Variants in OTUD7A observed in about 807,000 individuals in gnomAD.
OTUD7A encodes the protein OTU deubiquitinase 7A, also known as OTU domain-containing protein 7A.
OTUD7A carries 12 observed loss-of-function variants against 65.7 expected under a neutral mutation model. The observed-to-expected ratio is 0.18, with a 90% confidence interval of 0.12 to 0.30. The LOEUF (loss-of-function observed/expected upper bound fraction) is 0.30, where lower values mean the gene tolerates loss of function less well. OTUD7A is among the 10% of genes least tolerant of loss of function. The pLI, the probability that OTUD7A is intolerant of heterozygous loss-of-function variation, is 1.00. For synonymous variants in OTUD7A, 641 were observed against 586.3 expected (o/e 1.09, Z -1.35); for missense variants, 1,148 against 1,304.8 (o/e 0.88, Z 1.85).
intron 3 of OTUD7A, among the ~76,000 whole-genome samples, chr15:31,651,855 C>A (rs1891847940): frequency 6.6e-6 from 1 of 151,740 alleles, no homozygotes; most frequent in African/African-American, 2.4e-5. Context: ...GAGGCCCAAG[C>A]AAATGGAAAT....
At chr15:31,653,744 T>C (rs1891908881) in intron 3 of OTUD7A, among the ~76,000 whole-genome samples, 1 of 151,608 alleles carries the variant, frequency 6.6e-6, no homozygotes, top group South Asian at 2.1e-4. Context: ...ACTCAATTTT[T>C]CTGTATCTTA....
In OTUD7A at chr15:31,510,559, T is replaced by C. The variant is rs865832575; in HGVS notation, c.894-6741A>G. On this transcript the variant is annotated intron_variant, in intron 8 of 12. Coordinates refer to ENST00000307050, the MANE Select transcript of OTUD7A (RefSeq NM_001382637.1). ...TACATATGTATATCTATATGTAACA[T>C]ACATATGTATATCTATATGTAACAT... 1.0e-4 allele frequency among the ~76,000 whole-genome samples: 11 copies of C among 105,502 alleles called. 1 individual carries two copies. The highest frequency in any genetic ancestry group is 3.1e-4 in the South Asian group (1 of 3,276). The allele number at this position is 105,502 out of a possible 152,430, so 69.2% of individuals were successfully genotyped here.
At chr15:31,518,469 T>C (rs952217188) in intron 8 of OTUD7A, among the ~76,000 whole-genome samples, 1 of 147,682 alleles carries the variant, frequency 6.8e-6, no homozygotes, top group African/African-American at 2.4e-5. Flanking sequence ...CGAGACTCCA[T>C]CTGATTAAAA....
At position 31,476,208 on chromosome 15, in the gene OTUD7A, G is replaced by C. The variant is rs1219443940; in HGVS notation, c.*7086C>G. 2.6e-5 allele frequency: 4 copies of C among 152,366 alleles called. No individual in the cohort carries two copies. In the East Asian group the frequency reaches 7.7e-4, roughly 29 times the overall value. The allele number at this position is 152,366 out of a possible 1,614,324, so 9.4% of individuals were successfully genotyped here. On this transcript the variant is annotated 3_prime_UTR_variant, in exon 13 of 13. Transcript: ENST00000307050. ...GGCCCAGGGAAGACAAGCTCCTACT[G>C]AACGGTGACTGGCTCTGTCAGAGGT...
At chr15:31,836,801 T>G (rs1167957508) in intron 1 of OTUD7A, among the ~76,000 whole-genome samples, 2 of 152,194 alleles carry the variant, frequency 1.3e-5, no homozygotes, top group African/African-American at 4.8e-5. Flanking sequence ...CATATGTGCA[T>G]GATATAAAAA....
intron 1 of OTUD7A, among the ~76,000 whole-genome samples, chr15:31,818,701 G>C (rs770389936): frequency 6.6e-6 from 1 of 152,204 alleles, no homozygotes; most frequent in South Asian, 2.1e-4. Flanking sequence ...GATGGACAAC[G>C]GATGGTAGTA....
At chr15:31,548,490 G>T (rs1419132053) in intron 5 of OTUD7A, among the ~76,000 whole-genome samples, 1 of 152,112 alleles carries the variant, frequency 6.6e-6, no homozygotes, top group East Asian at 1.9e-4. Flanking sequence ...AACTGAGGAG[G>T]TCTCGTGGCA....
At chr15:31,685,638 G>A (rs542638193) in intron 1 of OTUD7A, among the ~76,000 whole-genome samples, 4 of 152,212 alleles carry the variant, frequency 2.6e-5, no homozygotes, top group Non-Finnish European at 4.4e-5. Context: ...CAGCCTGGGC[G>A]ACAGAGCGAG....
rs977132354 is a variant in OTUD7A at position 31,483,651 on chromosome 15, G to A, written c.2445C>T (p.Ser815=). 1.2e-5 allele frequency: 14 copies of A among 1,171,592 alleles called. No individual in the cohort carries two copies. The African/African-American group carries it at 2.3e-4, about 19-fold the overall frequency. 72.6% of individuals were successfully genotyped at this position (1,171,592 alleles called of 1,614,324 possible). Reference sequence around the variant, plus strand: ...GGGCGGCGGCGCGCGCCGGGCTGTAGCTCTGCGACGACAGCGAGCGGTTCT... The same window carrying A: ...GGGCGGCGGCGCGCGCCGGGCTGTAACTCTGCGACGACAGCGAGCGGTTCT... ...PQQNRSLSSQ[S]YSPARAAALR... is the part of the protein sequence containing the mutation. Residue 815 remains serine, a synonymous_variant, in exon 13 of 13, where the codon AGC becomes AGT. Coordinates refer to ENST00000307050, the MANE Select transcript of OTUD7A (RefSeq NM_001382637.1).
chr15:31,806,041 A>G (rs370953202), intron 1 of OTUD7A, among the ~76,000 whole-genome samples: 3 of 152,352 alleles, frequency 2.0e-5, no homozygotes, highest in African/African-American at 7.2e-5. Flanking sequence ...AAGTTTAGGA[A>G]TTACATTCCA....
At chr15:31,654,454 C>T (rs1891928407) in intron 3 of OTUD7A, among the ~76,000 whole-genome samples, 1 of 151,892 alleles carries the variant, frequency 6.6e-6, no homozygotes, top group African/African-American at 2.4e-5. Flanking sequence ...TTTACTAACT[C>T]CACAAATTGC....
In OTUD7A at chr15:31,569,278, T is replaced by C. The variant is rs1041441987; in HGVS notation, c.331+740A>G. Among the ~76,000 whole-genome samples, 6 of 152,278 alleles carry C rather than the reference T, an allele frequency of 3.9e-5. No homozygotes were observed. In the East Asian group the frequency reaches 1.2e-3, roughly 29 times the overall value. On this transcript the variant is annotated intron_variant, in intron 4 of 12. Coordinates refer to ENST00000307050, the MANE Select transcript of OTUD7A (RefSeq NM_001382637.1). ...ATTGCTTTCAGTGGCAATTAACAAA[T>C]AATAACAACGACAAAAACCCAAGCA... is the stretch of plus-strand genomic sequence containing the variant.
intron 5 of OTUD7A, among the ~76,000 whole-genome samples, chr15:31,552,812 G>A (rs1363341081): frequency 6.6e-6 from 1 of 152,252 alleles, no homozygotes; most frequent in Non-Finnish European, 1.5e-5. Flanking sequence ...ACTGATGGGT[G>A]GAGGAAGCTC....
rs1475734705 is a variant in OTUD7A, at chr15:31,484,200, C to G, written c.1896G>C (p.Leu632=). The G allele has an allele frequency of 2.5e-6, 4 of 1,609,144 alleles. No homozygotes were observed. In the South Asian group the frequency reaches 3.3e-5, roughly 13 times the overall value. The change falls in exon 13 of 13, where the codon CTG becomes CTC. Residue 632 remains leucine, a synonymous_variant. Coordinates refer to ENST00000307050, the MANE Select transcript of OTUD7A (RefSeq NM_001382637.1). The surrounding 1 kb of genome is among the most constrained non-coding windows in gnomAD (Gnocchi z 4.5). ...STDVKLSLNI[L]RAAMQGERKF... The stretch of plus-strand genomic sequence containing the variant: ...TGCGCTCCCCCTGCATGGCGGCGCG[C>G]AGGATGTTGAGGCTCAGCTTCACAT...
At chr15:31,868,787 G>A (rs573195607) in intron 1 of OTUD7A, among the ~76,000 whole-genome samples, 7 of 152,258 alleles carry the variant, frequency 4.6e-5, no homozygotes, top group African/African-American at 1.7e-4. Context: ...GCAATACTTC[G>A]TAAAGCGGCG....
At chr15:31,634,394 G>A (rs552593349) in intron 3 of OTUD7A, among the ~76,000 whole-genome samples, 3 of 152,168 alleles carry the variant, frequency 2.0e-5, no homozygotes, top group East Asian at 1.9e-4. Context: ...CCTCTTCCAC[G>A]ACGTTTCTCT....
chr15:31,847,505 C>T (rs1268818788), intron 1 of OTUD7A, among the ~76,000 whole-genome samples: 3 of 152,146 alleles, frequency 2.0e-5, no homozygotes, highest in South Asian at 4.1e-4. Context: ...AGTAAAATGG[C>T]CTCTGACTCC....
At chr15:31,580,995 G>A (rs12906216) in intron 3 of OTUD7A, among the ~76,000 whole-genome samples, 49,818 of 151,970 alleles carry the variant, frequency 0.33, 10,698 homozygotes, top group African/African-American at 0.61. Flanking sequence ...TCGAGGCAAG[G>A]CAAGTCCCTT....
Position 31,483,411 on chromosome 15 carries a change from C to A in OTUD7A, c.2685G>T (p.Arg895=). 1 of 1,364,686 alleles carries A rather than the reference C, an allele frequency of 7.3e-7. No homozygotes were observed. Among genetic ancestry groups the A allele is most frequent in the South Asian group, 1.5e-5 (1 of 66,842 alleles). 84.5% of individuals were successfully genotyped at this position (1,364,686 alleles called of 1,614,324 possible). Residue 895 remains arginine, a synonymous_variant, in exon 13 of 13, where the codon CGG becomes CGT. Transcript: ENST00000307050. ...ACGCACAGTTCTCGCGCTGGCAGCG[C>A]CGCTGCACCGGCCCCGGGCCGCCAC... The part of the protein sequence containing the change: ...CGRGGPGPVQ[R]RCQRENCAFY...
Sources: allele counts gnomAD v4.1 joint callset (sites outside exome capture counted in the v4.1 genomes callset), GRCh38; gene constraint gnomAD v4.1.1; non-coding constraint Gnocchi (gnomAD v3.1); transcripts MANE v1.5; gene names NCBI Gene and HGNC (gene_info 2026-07-23, HGNC 2026-07-21).